The following CFAP99 variants were observed in gnomAD, a reference collection of about 807,000 sequenced individuals.
CFAP99 encodes the protein cilia- and flagella-associated protein 99.
CFAP99 carries 84 observed loss-of-function variants against 82.7 expected under a neutral mutation model. That is an observed-to-expected ratio of 1.02 (90% CI 0.85 to 1.22). CFAP99 has a LOEUF of 1.22. Among genes scored for constraint, CFAP99 ranks in the 50% most tolerant of loss-of-function variants. The pLI is 0.00. For missense variants in CFAP99, 1,059 were observed against 983.5 expected (o/e 1.08, Z -1.03); for synonymous variants, 456 against 429.5 (o/e 1.06, Z -0.76).
intron 2 of CFAP99, among the ~76,000 whole-genome samples, chr4:2,431,698 AATT>A (rs1733805385): frequency 6.6e-6 from 1 of 151,912 alleles, no homozygotes; most frequent in Non-Finnish European, 1.5e-5. Flanking sequence ...TGCGGGCAAA[AATT>A]ATTATCTTTG....
intron 4 of CFAP99, among the ~76,000 whole-genome samples, chr4:2,442,859 G>A (rs530189663): frequency 1.1e-4 from 16 of 152,216 alleles, no homozygotes; most frequent in South Asian, 1.0e-3. Context: ...CACCCTGCGC[G>A]GTGGCCTTGG....
rs1410213139 is a variant in CFAP99 at position 2,462,573 on chromosome 4, TC to T, written c.1793del (p.Ser598TrpfsTer12). ...CAGGCAGGCGGCCTTGCTGCACGTG[TC>T]GGCGCCGCGGACCGCGCGCCCCAAG... On this transcript the variant is annotated frameshift_variant, in exon 15 of 15. Coordinates refer to ENST00000635017, the Ensembl canonical transcript of CFAP99. LOFTEE classifies it low-confidence loss of function (END_TRUNC). The surrounding 1 kb of genome is among the most constrained non-coding windows in gnomAD (Gnocchi z 4.1). 330 of 1,435,922 alleles carry T rather than the reference TC, an allele frequency of 2.3e-4. 3 individuals are homozygous for T. The highest frequency in any genetic ancestry group is 2.7e-6 in the Non-Finnish European group (3 of 1,098,316). 88.9% of individuals were successfully genotyped at this position (1,435,922 alleles called of 1,614,324 possible).
At chr4:2,441,293 A>AACCT (rs950989325) in intron 4 of CFAP99, among the ~76,000 whole-genome samples, 2 of 151,036 alleles carry the variant, frequency 1.3e-5, no homozygotes, top group African/African-American at 4.9e-5. Flanking sequence ...GAATCACTTG[A>AACCT]ACCTGGGAGG....
intron 11 of CFAP99, among the ~76,000 whole-genome samples, chr4:2,455,360 G>A (rs143193396): frequency 6.6e-6 from 1 of 152,296 alleles, no homozygotes; most frequent in African/African-American, 2.4e-5. Context: ...CTTTTCTTGT[G>A]TTGTGTTTGG....
chr4:2,433,434 G>A (rs1203769), intron 2 of CFAP99, among the ~76,000 whole-genome samples: 49 of 151,168 alleles, frequency 3.2e-4, no homozygotes, highest in African/African-American at 1.2e-3. Context: ...GGGCGGGGGG[G>A]GGACCAGTGC....
chr4:2,438,286 G>A (rs1014144596), intron 4 of CFAP99, 122 bp downstream of exon 4: 81 of 677,750 alleles, frequency 1.2e-4, no homozygotes, highest in Admixed American at 6.8e-4. Context: ...GTTTTGAGAC[G>A]GAGTCTCACT....
At chr4:2,450,338 T>C (rs1159667169) in intron 8 of CFAP99, 7 of 369,034 alleles carry the variant, frequency 1.9e-5, no homozygotes, top group African/African-American at 4.1e-5. Flanking sequence ...TGTTTGCCAA[T>C]AAAGAAAAAG....
intron 6 of CFAP99, 75 bp downstream of exon 6, chr4:2,445,383 G>C: frequency 1.2e-5 from 15 of 1,219,800 alleles, no homozygotes; most frequent in Non-Finnish European, 1.5e-5. Context: ...GGACTGTGTG[G>C]GCCTGTGGGG....
chr4:2,462,581 G>T lies in CFAP99; in HGVS notation c.1800G>T (p.Pro600=), dbSNP rs779556848. The change falls in exon 15 of 15, where the codon CCG becomes CCT. Residue 600 remains proline, a synonymous_variant. Transcript: ENST00000635017. The surrounding 1 kb of genome is among the most constrained non-coding windows in gnomAD (Gnocchi z 4.1). ...CGGCCTTGCTGCACGTGTCGGCGCC[G>T]CGGACCGCGCGCCCCAAGCCCCGGG... 7.0e-7 allele frequency: 1 copy of T among 1,428,968 alleles called. No individual in the cohort carries two copies. Among genetic ancestry groups the T allele is most frequent in the South Asian group, 1.4e-5 (1 of 71,070 alleles). 88.5% of individuals were successfully genotyped at this position (1,428,968 alleles called of 1,614,324 possible).
chr4:2,432,299 G>A (rs1326535987), intron 2 of CFAP99, among the ~76,000 whole-genome samples: 1 of 152,192 alleles, frequency 6.6e-6, no homozygotes, highest in African/African-American at 2.4e-5. Context: ...TTTCTTGGAG[G>A]CCACACCTAG....
chr4:2,450,111 C>A, intron 8 of CFAP99, 106 bp downstream of exon 8: 1 of 1,162,292 alleles, frequency 8.6e-7, no homozygotes, highest in Non-Finnish European at 1.2e-6. Context: ...AGCCTTTTCC[C>A]ACTGAGGGCC....
At chr4:2,455,513 A>G (rs1436073863) in intron 11 of CFAP99, among the ~76,000 whole-genome samples, 1 of 152,114 alleles carries the variant, frequency 6.6e-6, no homozygotes, top group African/African-American at 2.4e-5. Flanking sequence ...TGTCTACTAA[A>G]AAAACAAACA....
intron 4 of CFAP99, among the ~76,000 whole-genome samples, chr4:2,442,290 G>A (rs1294057957): frequency 6.6e-6 from 1 of 152,136 alleles, no homozygotes; most frequent in African/African-American, 2.4e-5. Flanking sequence ...CTCGGGGCAG[G>A]GAAAATGGCC....
At chr4:2,426,510 T>C (rs1733687291) in exon 2 of CFAP99, 1 of 1,535,824 alleles carries the variant, frequency 6.5e-7, no homozygotes. Context: ...GAAACTGTGA[T>C]CGAGCAACTC....
intron 1 of CFAP99, 149 bp from the exon 2 acceptor site, chr4:2,426,310 G>A: frequency 2.2e-6 from 1 of 454,594 alleles, no homozygotes; most frequent in Non-Finnish European, 4.0e-6. Context: ...CACTGCTGTA[G>A]GCCCGGCACC....
intron 1 of CFAP99, among the ~76,000 whole-genome samples, chr4:2,419,509 A>C (rs906726176): frequency 2.6e-5 from 4 of 151,840 alleles, no homozygotes; most frequent in African/African-American, 9.7e-5. Context: ...GGTCGGCCTG[A>C]CCCCACAGCG....
At chr4:2,427,023 C>T in intron 2 of CFAP99, 1 of 195,346 alleles carries the variant, frequency 5.1e-6, no homozygotes, top group South Asian at 1.1e-4. Context: ...TTGGGAATCA[C>T]TGACTGGGTC....
Position 2,462,702 on chromosome 4 carries a change from G to A in CFAP99, c.1921G>A (p.Gly641Arg), listed in dbSNP as rs1295419861. 4.0e-6 allele frequency: 5 copies of A among 1,253,310 alleles called. No homozygotes were observed. Among genetic ancestry groups the A allele is most frequent in the Middle Eastern group, 6.2e-4 (2 of 3,228 alleles). The allele number at this position is 1,253,310 out of a possible 1,614,324, so 77.6% of individuals were successfully genotyped here. A position where few individuals can be genotyped will look rare whatever the true frequency, so the allele number is the denominator to read the frequency against. ...CGCAGGGACCGGCGTCCCGGGGCGG[G>A]GATGGCGGGGAGATCGGGTCCGGTC... is the stretch of plus-strand genomic sequence containing the variant. Residue 641 changes from glycine to arginine, a missense_variant, in exon 15 of 15, where the codon GGA (glycine) becomes AGA (arginine). By Grantham distance (125) the Gly-to-Arg change is moderately radical. Coordinates refer to ENST00000635017, the Ensembl canonical transcript of CFAP99. This position sits in a 1 kb window ranked among gnomAD's most constrained non-coding sequence, Gnocchi z 4.1.
intron 2 of CFAP99, among the ~76,000 whole-genome samples, chr4:2,433,209 G>T (rs1019048124): frequency 6.6e-6 from 1 of 152,238 alleles, no homozygotes; most frequent in Non-Finnish European, 1.5e-5. Flanking sequence ...AGGGCTCAAG[G>T]CTCCGACCTT....
Sources: gnomAD v4.1 joint callset for allele counts (sites outside exome capture counted in the v4.1 genomes callset) on GRCh38, gnomAD v4.1.1 for gene constraint, Gnocchi (gnomAD v3.1) non-coding constraint, MANE v1.5 for transcripts, NCBI Gene and HGNC (gene_info 2026-07-23, HGNC 2026-07-21) for gene names.